Variants in ARSB observed in about 807,000 individuals in gnomAD.
The protein encoded by ARSB is N-acetylgalactosamine-4-sulfatase.
In ARSB, 41 loss-of-function variants were observed where a neutral mutation model predicts 50.9. The observed-to-expected ratio is 0.81, with a 90% CI of 0.63 to 1.04. The LOEUF (loss-of-function observed/expected upper bound fraction) is 1.04. Among genes scored for constraint, ARSB ranks in the 50% least tolerant of loss-of-function variants. ARSB has a pLI of 0.00. For missense variants in ARSB, 672 were observed against 693.3 expected (o/e 0.97, Z 0.35); for synonymous variants, 269 against 284.8 (o/e 0.94, Z 0.56).
intron 6 of ARSB, among the ~76,000 whole-genome samples, chr5:78,836,367 G>A (rs1036314352): frequency 2.6e-5 from 4 of 152,166 alleles, no homozygotes; most frequent in Admixed American, 6.5e-5. Context: ...AATGTCCTTC[G>A]TTATCTGCAG....
chr5:78,960,237 CCTTT>C (rs1751922006), intron 3 of ARSB, among the ~76,000 whole-genome samples: 1 of 152,054 alleles, frequency 6.6e-6, no homozygotes, highest in Non-Finnish European at 1.5e-5. Flanking sequence ...GGTTCTTTTC[CCTTT>C]ATTTATGCTA....
intron 3 of ARSB, among the ~76,000 whole-genome samples, chr5:78,960,417 C>T (rs1329515188): frequency 6.6e-6 from 1 of 152,108 alleles, no homozygotes; most frequent in African/African-American, 2.4e-5. Flanking sequence ...TCTTTGACTT[C>T]TAAATTAAGA....
intron 4 of ARSB, among the ~76,000 whole-genome samples, chr5:78,899,964 A>G (rs566805877): frequency 3.3e-4 from 50 of 152,074 alleles, no homozygotes; most frequent in African/African-American, 1.1e-3. Flanking sequence ...TTCATTGAAT[A>G]TATTTGCTTA....
intron 4 of ARSB, among the ~76,000 whole-genome samples, chr5:78,909,939 C>T (rs983649519): frequency 6.6e-6 from 1 of 152,180 alleles, no homozygotes; most frequent in Non-Finnish European, 1.5e-5. Flanking sequence ...GGAGAAAAGC[C>T]GCCCTGTGGC....
At chr5:78,784,754 T>C (rs1749031939) in intron 6 of ARSB, among the ~76,000 whole-genome samples, 1 of 152,126 alleles carries the variant, frequency 6.6e-6, no homozygotes, top group African/African-American at 2.4e-5. Context: ...CTTTTCATTT[T>C]TTCCCAAGAT....
At chr5:78,852,990 C>T (rs952173865) in intron 5 of ARSB, among the ~76,000 whole-genome samples, 1 of 152,128 alleles carries the variant, frequency 6.6e-6, no homozygotes, top group Admixed American at 6.5e-5. Context: ...AACTTCTTTG[C>T]CTTTGGTTTG....
chr5:78,927,605 A>C (rs1325826907), intron 4 of ARSB, among the ~76,000 whole-genome samples: 1 of 152,208 alleles, frequency 6.6e-6, no homozygotes, highest in Non-Finnish European at 1.5e-5. Context: ...CAAAACAGAG[A>C]TAGTAAAGAA....
intron 4 of ARSB, among the ~76,000 whole-genome samples, chr5:78,918,717 A>G (rs1749671571): frequency 1.3e-5 from 2 of 152,232 alleles, no homozygotes; most frequent in South Asian, 4.1e-4. Flanking sequence ...TTCTTCAGAC[A>G]TTTTTAGAGT....
chr5:78,867,251 G>T (rs571109319), intron 5 of ARSB, among the ~76,000 whole-genome samples: 1 of 152,192 alleles, frequency 6.6e-6, no homozygotes, highest in Non-Finnish European at 1.5e-5. Context: ...AGAGGCGCCC[G>T]CCATTGCCCA....
chr5:78,846,836 G>C (rs1204067198), intron 5 of ARSB, among the ~76,000 whole-genome samples: 3 of 152,148 alleles, frequency 2.0e-5, no homozygotes, highest in Non-Finnish European at 4.4e-5. Context: ...TCAGATGTTA[G>C]GGGAAAGGCT....
intron 1 of ARSB, among the ~76,000 whole-genome samples, chr5:78,975,673 T>C (rs1482662384): frequency 6.6e-6 from 1 of 152,214 alleles, no homozygotes; most frequent in East Asian, 1.9e-4. Flanking sequence ...TCTTACTCTT[T>C]AATCTTTTCA....
chr5:78,923,500 A>G (rs1749918438), intron 4 of ARSB, among the ~76,000 whole-genome samples: 1 of 152,244 alleles, frequency 6.6e-6, no homozygotes, highest in South Asian at 2.1e-4. Flanking sequence ...CGCGTCTACA[A>G]GAGACACTGT....
intron 4 of ARSB, 147 bp from the exon 5 acceptor site, chr5:78,885,974 T>G: frequency 7.7e-7 from 1 of 1,306,810 alleles, no homozygotes; most frequent in Non-Finnish European, 1.1e-6. Context: ...TAAATTCCCT[T>G]TTCCCATTGA....
At chr5:78,792,699 G>C (rs1424009177) in intron 6 of ARSB, among the ~76,000 whole-genome samples, 1 of 152,154 alleles carries the variant, frequency 6.6e-6, no homozygotes, top group Non-Finnish European at 1.5e-5. Context: ...CGGATTCTGG[G>C]TACAGGTCTC....
chr5:78,847,055 T>C (rs1314453047), intron 5 of ARSB, among the ~76,000 whole-genome samples: 1 of 152,218 alleles, frequency 6.6e-6, no homozygotes, highest in East Asian at 1.9e-4. Flanking sequence ...GTCATGTTTA[T>C]GGATTTGTAT....
chr5:78,976,793 T>C (rs1242097146), intron 1 of ARSB, among the ~76,000 whole-genome samples: 3 of 152,208 alleles, frequency 2.0e-5, no homozygotes, highest in Admixed American at 6.5e-5. Flanking sequence ...CTATAAAAAC[T>C]GACACAAAAA....
intron 1 of ARSB, among the ~76,000 whole-genome samples, chr5:78,971,691 G>A (rs1752459646): frequency 6.6e-6 from 1 of 152,134 alleles, no homozygotes; most frequent in Non-Finnish European, 1.5e-5. Flanking sequence ...ACCTGCTATT[G>A]CTTTACTGCA....
At chr5:78,808,211 T>A (rs545292371) in intron 6 of ARSB, among the ~76,000 whole-genome samples, 1 of 151,782 alleles carries the variant, frequency 6.6e-6, no homozygotes, top group East Asian at 1.9e-4. Flanking sequence ...TTGTGGCCAA[T>A]TTTCTTTATC....
intron 6 of ARSB, among the ~76,000 whole-genome samples, chr5:78,792,378 C>CAAA (rs1178658652): frequency 2.6e-4 from 27 of 105,512 alleles, no homozygotes; most frequent in Non-Finnish European, 4.6e-4. Context: ...GAATCTGTCG[C>CAAA]AAAAAAAAAA....
Sources: allele counts gnomAD v4.1 joint callset (sites outside exome capture counted in the v4.1 genomes callset), GRCh38; gene constraint gnomAD v4.1.1; transcripts MANE v1.5; gene names NCBI Gene and HGNC (gene_info 2026-07-23, HGNC 2026-07-21).